Variants in CTCF observed in about 807,000 individuals in gnomAD.
The protein encoded by CTCF is CCCTC-binding factor.
A neutral mutation model predicts 72.3 loss-of-function variants in CTCF; 7 were observed. That is an observed-to-expected ratio of 0.10 (90% CI 0.06 to 0.18). The LOEUF is 0.18. CTCF is among the 10% of genes least tolerant of loss of function. The pLI is 1.00. For synonymous variants in CTCF, 374 were observed against 315.8 expected, an observed-to-expected ratio of 1.18 and a Z score of -1.95; for missense variants, 516 against 949.1, an observed-to-expected ratio of 0.54 and a Z score of 6.00.
At chr16:67,613,779 A>AAAAT (rs569094850) in intron 4 of CTCF, among the ~76,000 whole-genome samples, 99 of 152,220 alleles carry the variant, frequency 6.5e-4, no homozygotes, top group African/African-American at 1.5e-3. Context: ...CTGCCTCACC[A>AAAAT]AAATAAATAA....
At chr16:67,599,738 C>T (rs1434444002) in intron 2 of CTCF, among the ~76,000 whole-genome samples, 1 of 152,118 alleles carries the variant, frequency 6.6e-6, no homozygotes, top group African/African-American at 2.4e-5. Flanking sequence ...ATGGTGATAC[C>T]ACAGTCCGGA....
intron 2 of CTCF, among the ~76,000 whole-genome samples, chr16:67,603,728 G>C (rs1205295979): frequency 6.6e-6 from 1 of 151,788 alleles, no homozygotes; most frequent in Non-Finnish European, 1.5e-5. Context: ...GGGAGGCTGA[G>C]GCAGGAGAAT....
intron 2 of CTCF, among the ~76,000 whole-genome samples, chr16:67,599,347 G>T (rs1249641300): frequency 3.9e-5 from 6 of 152,152 alleles, no homozygotes; most frequent in Admixed American, 3.3e-4. Flanking sequence ...GTGAGCCGAG[G>T]TCGTGCCACT....
chr16:67,567,131 T>C (rs919740887), intron 1 of CTCF, among the ~76,000 whole-genome samples: 61 of 152,280 alleles, frequency 4.0e-4, no homozygotes, highest in African/African-American at 1.4e-3. Context: ...TGAGCCACCG[T>C]GTCCAGCCCA....
rs2052051716 is a variant in CTCF at position 67,610,826 on chromosome 16, A to G, written c.-7A>G. The stretch of plus-strand genomic sequence containing the variant: ...ATCTGTGTTCTCCCTTAATAAAGGC[A>G]GGGGAAATGGAAGGTGATGCAGTCG... On this transcript the variant is annotated splice_region_variant and 5_prime_UTR_variant, in exon 3 of 12. Coordinates refer to ENST00000264010, the MANE Select transcript of CTCF (RefSeq NM_006565.4). 1.4e-6 allele frequency: 2 copies of G among 1,462,328 alleles called. No homozygotes were observed. Among genetic ancestry groups the G allele is most frequent in the Non-Finnish European group, 1.8e-6 (2 of 1,102,948 alleles). 90.6% of individuals were successfully genotyped at this position (1,462,328 alleles called of 1,614,324 possible).
chr16:67,612,368 T>C (rs1173159181), intron 4 of CTCF: 1 of 297,700 alleles, frequency 3.4e-6, no homozygotes, highest in African/African-American at 2.2e-5. Flanking sequence ...AGATGCCTGG[T>C]ACTATGAGGA....
intron 2 of CTCF, among the ~76,000 whole-genome samples, chr16:67,582,074 G>A (rs1052837051): frequency 6.6e-6 from 1 of 152,026 alleles, no homozygotes; most frequent in Non-Finnish European, 1.5e-5. Context: ...CAAAAAATTA[G>A]CTGGGTGTGG....
At chr16:67,609,731 C>T (rs2052032610) in intron 2 of CTCF, among the ~76,000 whole-genome samples, 1 of 151,668 alleles carries the variant, frequency 6.6e-6, no homozygotes, top group African/African-American at 2.4e-5. Context: ...TCACGCCATT[C>T]TCCTGCCTCA....
At chr16:67,617,872 A>G (rs2052152932) in intron 5 of CTCF, among the ~76,000 whole-genome samples, 1 of 152,228 alleles carries the variant, frequency 6.6e-6, no homozygotes, top group African/African-American at 2.4e-5. Flanking sequence ...AAAATTCTAA[A>G]TGAAATTATT....
intron 2 of CTCF, among the ~76,000 whole-genome samples, chr16:67,608,455 C>T (rs954432463): frequency 1.3e-5 from 2 of 151,972 alleles, no homozygotes; most frequent in Non-Finnish European, 2.9e-5. Context: ...TGTGCAGTGT[C>T]TACAAACACG....
intron 2 of CTCF, among the ~76,000 whole-genome samples, chr16:67,583,413 G>A (rs936778634): frequency 2.0e-5 from 3 of 152,094 alleles, no homozygotes; most frequent in Non-Finnish European, 4.4e-5. Context: ...CTAGCCAGGC[G>A]CGGTGGCTCA....
At chr16:67,605,738 G>A (rs1597708331) in intron 2 of CTCF, among the ~76,000 whole-genome samples, 1 of 152,190 alleles carries the variant, frequency 6.6e-6, no homozygotes, top group African/African-American at 2.4e-5. Flanking sequence ...GCAAAGTAGT[G>A]GCCACAAGAA....
chr16:67,604,751 T>G (rs1019476501), intron 2 of CTCF, among the ~76,000 whole-genome samples: 1 of 121,892 alleles, frequency 8.2e-6, no homozygotes, highest in African/African-American at 4.1e-5. Context: ...TTTTGTTTTT[T>G]GTTTTTTTTT....
intron 2 of CTCF, among the ~76,000 whole-genome samples, 191 bp downstream of exon 2, chr16:67,571,455 G>T (rs900355464): frequency 6.6e-6 from 1 of 152,078 alleles, no homozygotes; most frequent in Admixed American, 6.6e-5. Context: ...GGTAATATGG[G>T]GCAAGTTACT....
rs2052057419 is a variant in CTCF at position 67,611,208 on chromosome 16, G to A, written c.376G>A (p.Val126Ile). 6.2e-7 allele frequency: 1 copy of A among 1,614,054 alleles called. No individual in the cohort carries two copies. The highest frequency in any genetic ancestry group is 1.7e-5 in the Admixed American group (1 of 59,982). Residue 126 changes from valine (V) to isoleucine (I), a missense_variant, in exon 3 of 12, where the codon GTT becomes ATT. Coordinates refer to ENST00000264010, the MANE Select transcript of CTCF (RefSeq NM_006565.4). ...VQVPVPVTVPVATTSVEELQG... is the reference protein window; with the variant it reads ...VQVPVPVTVPIATTSVEELQG... ...AGTACCTGTTCCTGTGACTGTACCT[G>A]TTGCTACCACTTCAGTAGAAGAACT... is the stretch of plus-strand genomic sequence containing the variant.
Position 67,591,074 on chromosome 16 carries a change from C to T in CTCF, c.-9-19750C>T, listed in dbSNP as rs966863319. On this transcript the variant is annotated intron_variant, in intron 2 of 11. Coordinates refer to ENST00000264010, the MANE Select transcript of CTCF (RefSeq NM_006565.4). ...TTGGGAGGCCGAGGCGGGCAGATCA[C>T]TTGAGGTCAGGAGTTTGAGACTAGC... Among the ~76,000 whole-genome samples the T allele has an allele frequency of 4.0e-5, 6 of 151,488 alleles. No homozygotes were observed. In the East Asian group the frequency reaches 7.8e-4, roughly 20 times the overall value.
At chr16:67,578,484 G>A (rs1201934144) in intron 2 of CTCF, among the ~76,000 whole-genome samples, 2 of 151,374 alleles carry the variant, frequency 1.3e-5, no homozygotes, top group Non-Finnish European at 2.9e-5. Context: ...ACACATGTGC[G>A]GCCATGCCCA....
At chr16:67,629,745 C>CTTTTTTTTTTT (rs1567616725) in intron 10 of CTCF, among the ~76,000 whole-genome samples, 9 of 85,064 alleles carry the variant, frequency 1.1e-4, no homozygotes, top group Non-Finnish European at 1.4e-4. Context: ...TCATTAATGC[C>CTTTTTTTTTTT]CTTTTTTTTT....
At chr16:67,574,997 G>A (rs1056216861) in intron 2 of CTCF, among the ~76,000 whole-genome samples, 1 of 152,090 alleles carries the variant, frequency 6.6e-6, no homozygotes, top group African/African-American at 2.4e-5. Context: ...CAATTACTAA[G>A]TATTGTTATT....
Sources: gnomAD v4.1 joint callset for allele counts (sites outside exome capture counted in the v4.1 genomes callset) on GRCh38, gnomAD v4.1.1 for gene constraint, MANE v1.5 for transcripts, NCBI Gene and HGNC (gene_info 2026-07-23, HGNC 2026-07-21) for gene names.